ZCCHC4: variants seen among roughly 807,000 people sequenced by gnomAD.
ZCCHC4 encodes the protein rRNA N(6)-adenosine-methyltransferase ZCCHC4.
In ZCCHC4, 54 loss-of-function variants were observed where a neutral mutation model predicts 67.7. The ratio of observed to expected loss-of-function variants is 0.80; its 90% CI spans 0.64 to 1.00. The LOEUF (loss-of-function observed/expected upper bound fraction) is 1.00. Among genes scored for constraint, ZCCHC4 ranks in the 50% least tolerant of loss-of-function variants. The pLI is 0.00. For missense variants in ZCCHC4, 609 were observed against 617.0 expected, an observed-to-expected ratio of 0.99 and a Z score of 0.14; for synonymous variants, 198 against 213.5, an observed-to-expected ratio of 0.93 and a Z score of 0.63.
chr4:25,331,856 C>T (rs79746131), intron 3 of ZCCHC4, among the ~76,000 whole-genome samples: 1,623 of 152,318 alleles, frequency 0.011, 39 homozygotes, highest in African/African-American at 0.036. Context: ...GGCACGATAG[C>T]TTATTTCTTG....
rs80145636 is a variant in ZCCHC4, at chr4:25,340,275, G to A, written c.687-5273G>A. On this transcript the variant is annotated intron_variant, in intron 5 of 12. Transcript: ENST00000302874. ...AAGACTGTTCTTTTCCCATTGAATT[G>A]TCTTGGTACCACAATGAAAACAAAA... Among the ~76,000 whole-genome samples, 1,202 of 152,192 alleles carry A rather than the reference G, an allele frequency of 7.9e-3. 13 individuals carry two copies. The highest frequency in any genetic ancestry group is 0.023 in the African/African-American group (968 of 41,530).
chr4:25,337,970 AATG>A (rs1324791589), intron 5 of ZCCHC4, among the ~76,000 whole-genome samples: 1 of 152,216 alleles, frequency 6.6e-6, no homozygotes, highest in African/African-American at 2.4e-5. Context: ...AAAAAGGAAA[AATG>A]ATCTTTAATT....
chr4:25,350,196 G>A (rs930788329), intron 7 of ZCCHC4, among the ~76,000 whole-genome samples: 17 of 151,970 alleles, frequency 1.1e-4, no homozygotes, highest in Non-Finnish European at 2.2e-4. Context: ...TAGTGGCTGG[G>A]GGTTATTATT....
rs774964709 is a variant in ZCCHC4, at chr4:25,369,145, A to G, written c.1523A>G (p.His508Arg). Residue 508 changes from histidine (H) to arginine (R), a missense_variant, in exon 13 of 13, where the codon CAT (histidine) becomes CGT (arginine). Physicochemically the swap from His to Arg is conservative, Grantham distance 29. Coordinates refer to ENST00000302874, the MANE Select transcript of ZCCHC4 (RefSeq NM_024936.3). ...TRRKKRRERAHQYLGS is the reference protein window; with the variant it reads ...TRRKKRRERARQYLGS ...AGAAAGAAAAGGAGGGAAAGAGCCC[A>G]TCAATATCTTGGCTCTTAAATGTCC... is the stretch of plus-strand genomic sequence containing the variant. 5 of 1,613,026 alleles carry G rather than the reference A, an allele frequency of 3.1e-6. No homozygotes were observed. In the South Asian group the frequency reaches 4.4e-5, roughly 14 times the overall value.
chr4:25,332,316 A>T (rs929708120), intron 3 of ZCCHC4, among the ~76,000 whole-genome samples: 1 of 151,600 alleles, frequency 6.6e-6, no homozygotes, highest in East Asian at 1.9e-4. Context: ...AAAAAAAAAA[A>T]AGATATGACT....
chr4:25,345,149 A>T (rs758381717), intron 5 of ZCCHC4, among the ~76,000 whole-genome samples: 2 of 152,164 alleles, frequency 1.3e-5, no homozygotes, highest in Non-Finnish European at 1.5e-5. Flanking sequence ...AAAATAAATG[A>T]ACAGCTGTCA....
At chr4:25,338,798 T>C (rs991768896) in intron 5 of ZCCHC4, among the ~76,000 whole-genome samples, 2 of 152,226 alleles carry the variant, frequency 1.3e-5, no homozygotes, top group Admixed American at 1.3e-4. Context: ...TATCTTTTCA[T>C]CTGTTGATGG....
At chr4:25,343,839 C>G (rs1719866697) in intron 5 of ZCCHC4, among the ~76,000 whole-genome samples, 1 of 152,164 alleles carries the variant, frequency 6.6e-6, no homozygotes, top group Non-Finnish European at 1.5e-5. Context: ...AAGAAGTTGA[C>G]AGTGTCATGA....
intron 5 of ZCCHC4, among the ~76,000 whole-genome samples, chr4:25,341,607 T>C (rs1171644663): frequency 1.3e-5 from 2 of 152,220 alleles, no homozygotes; most frequent in Non-Finnish European, 2.9e-5. Flanking sequence ...AATAAACCTC[T>C]TTTCTTTATA....
At chr4:25,334,226 T>C (rs1230575782) in intron 5 of ZCCHC4, among the ~76,000 whole-genome samples, 1 of 152,254 alleles carries the variant, frequency 6.6e-6, no homozygotes, top group Non-Finnish European at 1.5e-5. Context: ...TGAATGTGGC[T>C]AGTTCGTCTT....
intron 12 of ZCCHC4, chr4:25,365,564 A>G (rs892750511): frequency 8.1e-6 from 8 of 989,240 alleles, no homozygotes; most frequent in Non-Finnish European, 2.4e-6. Flanking sequence ...AAGGCATTTC[A>G]GATTGAATAG....
chr4:25,344,284 CA>C (rs1719890280), intron 5 of ZCCHC4, among the ~76,000 whole-genome samples: 1 of 151,896 alleles, frequency 6.6e-6, no homozygotes, highest in Non-Finnish European at 1.5e-5. Context: ...ACTATGCAGC[CA>C]TAAAAAATGA....
In ZCCHC4 at chr4:25,369,091, A is replaced by C; in HGVS notation, c.1469A>C (p.Gln490Pro). Residue 490 changes from glutamine (Q) to proline (P), a missense_variant, in exon 13 of 13, where the codon CAA becomes CCA. Transcript: ENST00000302874. ...NKMKMETTKG[Q>P]SMNHTSATRR... ...ATGAAAATGGAGACCACGAAAGGAC[A>C]ATCCATGAATCATACATCTGCTACA... 1 of 1,614,046 alleles carries C rather than the reference A, an allele frequency of 6.2e-7. No homozygotes were observed. The highest frequency in any genetic ancestry group is 8.5e-7 in the Non-Finnish European group (1 of 1,180,004).
rs1720622519 is a variant in ZCCHC4 at position 25,359,009 on chromosome 4, A to C, written c.1012-2850A>C. On this transcript the variant is annotated intron_variant, in intron 8 of 12. Coordinates refer to ENST00000302874, the MANE Select transcript of ZCCHC4 (RefSeq NM_024936.3). The surrounding 1 kb of genome is among the most constrained non-coding windows in gnomAD (Gnocchi z 4.9). ...CTGAAACCTGACACTTGGCGTGACAATTGACATCACGAACAGGATACTGAG... is the reference window on the plus strand; with the variant it reads ...CTGAAACCTGACACTTGGCGTGACACTTGACATCACGAACAGGATACTGAG... Among the ~76,000 whole-genome samples the C allele has an allele frequency of 6.6e-6, 1 of 152,108 alleles. No individual in the cohort carries two copies. Among genetic ancestry groups the C allele is most frequent in the African/African-American group, 2.4e-5 (1 of 41,402 alleles).
Position 25,362,237 on chromosome 4 carries a change from C to T in ZCCHC4, c.1145C>T (p.Pro382Leu), listed in dbSNP as rs3752873. The change falls in exon 10 of 13, where the codon CCG becomes CTG. Residue 382 changes from proline (P) to leucine (L), a missense_variant. Physicochemically the swap from Pro to Leu is moderately conservative, Grantham distance 98 (BLOSUM62 -3). Transcript: ENST00000302874. ...GTCCTTTACTCTAGATTTTGCTCTC[C>T]GTGTCAACGGTATGTTTCTCTAGAG... The part of the protein sequence containing the change: ...PTEEGYRFCS[P>L]CQRYVSLENQ... 3.9e-3 allele frequency: 6,276 copies of T among 1,610,652 alleles called. 157 individuals carry two copies. The African/African-American group carries it at 0.061, about 16-fold the overall frequency.
chr4:25,343,629 TTAAGTAACTTAC>T (rs905625250), intron 5 of ZCCHC4, among the ~76,000 whole-genome samples: 38 of 152,230 alleles, frequency 2.5e-4, no homozygotes, highest in Non-Finnish European at 3.2e-4. Context: ...CTCAGAAAGG[TTAAGTAACTTAC>T]TAAGGATACC....
rs1289446982 is a variant in ZCCHC4, at chr4:25,345,624, A to G, written c.759+4A>G. 2.6e-6 allele frequency: 4 copies of G among 1,551,568 alleles called. No homozygotes were observed. The highest frequency in any genetic ancestry group is 3.5e-6 in the Non-Finnish European group (4 of 1,128,718). The stretch of plus-strand genomic sequence containing the variant: ...CCATCATTTCTTTGATGGAAAGGTA[A>G]GAGCTGTGACCATTATCTCATTGTT... On this transcript the variant is annotated splice_donor_region_variant and intron_variant, in intron 6 of 12. Transcript: ENST00000302874.
At chr4:25,354,918 T>G (rs1489308156) in intron 8 of ZCCHC4, among the ~76,000 whole-genome samples, 1 of 150,128 alleles carries the variant, frequency 6.7e-6, no homozygotes, top group African/African-American at 2.5e-5. Context: ...TTTTTTTTTT[T>G]TTTTTTTGGA....
At chr4:25,352,386 G>A in intron 8 of ZCCHC4, 1 of 984,926 alleles carries the variant, frequency 1.0e-6, no homozygotes, top group Non-Finnish European at 1.2e-6. Flanking sequence ...CGCCATCACT[G>A]TTTATGGTCT....
Sources: gnomAD v4.1 joint callset for allele counts (sites outside exome capture counted in the v4.1 genomes callset) on GRCh38, gnomAD v4.1.1 for gene constraint, Gnocchi (gnomAD v3.1) non-coding constraint, MANE v1.5 for transcripts, NCBI Gene and HGNC (gene_info 2026-07-23, HGNC 2026-07-21) for gene names.